Variants in VAX1 observed in about 807,000 individuals in gnomAD.
VAX1 encodes the protein ventral anterior homeobox 1.
A neutral mutation model predicts 17.6 loss-of-function variants in VAX1; 6 were observed. That is an observed-to-expected ratio of 0.34 (90% CI 0.19 to 0.67). The LOEUF (loss-of-function observed/expected upper bound fraction) is 0.67, where lower values mean the gene tolerates loss of function less well. VAX1 is among the 30% of genes least tolerant of loss of function. The pLI is 0.69. For synonymous variants in VAX1, 256 were observed against 227.4 expected (o/e 1.13, Z -1.13); for missense variants, 408 against 463.7 (o/e 0.88, Z 1.10).
At position 117,134,385 on chromosome 10, in the gene VAX1, G is replaced by A. The variant is rs1854140306; in HGVS notation, c.628C>T (p.Arg210Cys). Residue 210 changes from arginine to cysteine, a missense_variant, in exon 3 of 3, where the codon CGC becomes TGC. By Grantham distance (180) the Arg-to-Cys change is radical (BLOSUM62 -3). This residue lies in a region of VAX1 where 196 missense variants were observed against 218.7 expected (regional missense o/e 0.90). Coordinates refer to ENST00000369206, the MANE Select transcript of VAX1 (RefSeq NM_001112704.2). This position sits in a 1 kb window ranked among gnomAD's most constrained non-coding sequence, Gnocchi z 6.2. ...CCCAGGGCCGGCAAGCTGGGCCCGC[G>A]CAGCGCTGAGCCGAGAGCGCCCGTG... ...CATGALGSAL[R>C]GPSLPALGAG... The A allele has an allele frequency of 2.2e-6, 3 of 1,362,726 alleles. No individual in the cohort carries two copies. The highest frequency in any genetic ancestry group is 1.9e-6 in the Non-Finnish European group (2 of 1,061,190). 84.4% of individuals were successfully genotyped at this position (1,362,726 alleles called of 1,614,324 possible).
chr10:117,133,188 C>T (rs903955804), downstream of VAX1: 1 of 772,900 alleles, frequency 1.3e-6, no homozygotes, highest in Non-Finnish European at 1.6e-6. Context: ...ACACCCAGAA[C>T]CTTAATTTTG....
downstream of VAX1, chr10:117,132,452 C>A: frequency 6.2e-7 from 1 of 1,610,950 alleles, no homozygotes; most frequent in Non-Finnish European, 8.5e-7. The surrounding 1 kb of genome is among the most constrained non-coding windows in gnomAD (Gnocchi z 4.9). Flanking sequence ...GCGTTTGAAT[C>A]GTTCATTATT....
downstream of VAX1, chr10:117,132,459 T>A: frequency 2.5e-6 from 4 of 1,612,172 alleles, no homozygotes; most frequent in South Asian, 3.3e-5. The surrounding 1 kb of genome is among the most constrained non-coding windows in gnomAD (Gnocchi z 4.9). Context: ...AATCGTTCAT[T>A]ATTTTCTTCA....
Position 117,134,146 on chromosome 10 carries a change from G to C in VAX1, c.867C>G (p.Ser289=). 6.5e-7 allele frequency: 1 copy of C among 1,531,612 alleles called. No homozygotes were observed. The highest frequency in any genetic ancestry group is 8.8e-7 in the Non-Finnish European group (1 of 1,138,662). The allele number at this position is 1,531,612 out of a possible 1,614,324, so 94.9% of individuals were successfully genotyped here. ...SLLGSVASRL[S]SAPLTMAGSL... ...AACCAGCCATTGTTAACGGGGCGGAGGACAGGCGGCTGGCGACGGAGCCGA... is the reference window on the plus strand; with the variant it reads ...AACCAGCCATTGTTAACGGGGCGGACGACAGGCGGCTGGCGACGGAGCCGA... Residue 289 remains serine, a synonymous_variant, in exon 3 of 3, where the codon TCC becomes TCG. Transcript: ENST00000369206. This position sits in a 1 kb window ranked among gnomAD's most constrained non-coding sequence, Gnocchi z 6.2.
chr10:117,138,096 CAAAA>C lies in VAX1; in HGVS notation c.-44_-41del, dbSNP rs34250461. 115 of 352,048 alleles carry C rather than the reference CAAAA, an allele frequency of 3.3e-4. No individual in the cohort carries two copies. The highest frequency in any genetic ancestry group is 1.1e-3 in the South Asian group (32 of 27,874). The allele number at this position is 352,048 out of a possible 1,614,324, so 21.8% of individuals were successfully genotyped here. ...ACAAAAACAGAAAGGAAAAAAAAAG[CAAAA>C]AAAAAAAAAAGGGGGGGGGGCGGAG... is the stretch of plus-strand genomic sequence containing the variant. On this transcript the variant is annotated 5_prime_UTR_variant, in exon 1 of 3. Coordinates refer to ENST00000369206, the MANE Select transcript of VAX1 (RefSeq NM_001112704.2).
downstream of VAX1, among the ~76,000 whole-genome samples, chr10:117,133,042 G>A (rs1395237546): frequency 6.6e-6 from 1 of 152,226 alleles, no homozygotes; most frequent in Non-Finnish European, 1.5e-5. Flanking sequence ...CAGCCGCTTT[G>A]CTCTTTCCTG....
downstream of VAX1, chr10:117,132,196 G>A (rs1244494174): frequency 6.2e-7 from 1 of 1,604,570 alleles, no homozygotes; most frequent in Admixed American, 1.7e-5. The surrounding 1 kb of genome is among the most constrained non-coding windows in gnomAD (Gnocchi z 4.9). Context: ...GGTACCAGTC[G>A]CAGGGCCCCG....
downstream of VAX1, chr10:117,131,214 G>A (rs1369028812): frequency 6.5e-6 from 1 of 153,048 alleles, no homozygotes; most frequent in African/African-American, 2.4e-5. Flanking sequence ...GGAACGAGAG[G>A]GGAGCCCACA....
Position 117,136,753 on chromosome 10 carries a change from T to C in VAX1, c.242-94A>G. ...TTTGGGGACACAGTCCCCAGAAGCG[T>C]GCAGTTTTGGGGATGGGGGGCGGGG... On this transcript the variant is annotated intron_variant, in intron 1 of 2. Transcript: ENST00000369206. This position sits in a 1 kb window ranked among gnomAD's most constrained non-coding sequence, Gnocchi z 5.0. 6.8e-7 allele frequency: 1 copy of C among 1,465,498 alleles called. No individual in the cohort carries two copies. The highest frequency in any genetic ancestry group is 9.1e-7 in the Non-Finnish European group (1 of 1,094,354). 90.8% of individuals were successfully genotyped at this position (1,465,498 alleles called of 1,614,324 possible).
chr10:117,130,738 T>C (rs1854074190), downstream of VAX1: 1 of 152,246 alleles, frequency 6.6e-6, no homozygotes, highest in Admixed American at 6.5e-5. Flanking sequence ...TGCAATTCTT[T>C]TTCTATGCAG....
chr10:117,132,339 T>C, downstream of VAX1: 2 of 1,611,956 alleles, frequency 1.2e-6, no homozygotes, highest in South Asian at 2.2e-5. The surrounding 1 kb of genome is among the most constrained non-coding windows in gnomAD (Gnocchi z 4.9). Flanking sequence ...TCATTTATCA[T>C]CATAGATATA....
chr10:117,137,537 C>T lies in VAX1; in HGVS notation c.241+279G>A, dbSNP rs1441881024. Among the ~76,000 whole-genome samples the T allele has an allele frequency of 6.6e-6, 1 of 152,218 alleles. No homozygotes were observed. Among genetic ancestry groups the T allele is most frequent in the Non-Finnish European group, 1.5e-5 (1 of 68,036 alleles). ...TTCTGCTCCTTTCCCGGGTCGGAGGCCGCAGCCCGATGCCCGGCCGCACCC... is the reference window on the plus strand; with the variant it reads ...TTCTGCTCCTTTCCCGGGTCGGAGGTCGCAGCCCGATGCCCGGCCGCACCC... On this transcript the variant is annotated intron_variant, in intron 1 of 2. Transcript: ENST00000369206. The surrounding 1 kb of genome is among the most constrained non-coding windows in gnomAD (Gnocchi z 7.4).
Position 117,134,074 on chromosome 10 carries a change from G to A in VAX1, c.939C>T (p.Ser313=), listed in dbSNP as rs1589946008. The A allele has an allele frequency of 2.0e-6, 3 of 1,536,110 alleles. No individual in the cohort carries two copies. The highest frequency in any genetic ancestry group is 2.6e-6 in the Non-Finnish European group (3 of 1,140,360). ...LQELSARYLS[S]SAFEPYSRTN... The stretch of plus-strand genomic sequence containing the variant: ...TCCGGGAGTAAGGCTCGAAGGCCGA[G>A]GAGCTCAGATATCGGGCGGAGAGTT... Residue 313 remains serine, a synonymous_variant, in exon 3 of 3, where the codon TCC becomes TCT. Coordinates refer to ENST00000369206, the MANE Select transcript of VAX1 (RefSeq NM_001112704.2). This position sits in a 1 kb window ranked among gnomAD's most constrained non-coding sequence, Gnocchi z 6.2.
chr10:117,137,575 A>G lies in VAX1; in HGVS notation c.241+241T>C, dbSNP rs1176873719. On this transcript the variant is annotated intron_variant, in intron 1 of 2. Coordinates refer to ENST00000369206, the MANE Select transcript of VAX1 (RefSeq NM_001112704.2). The surrounding 1 kb of genome is among the most constrained non-coding windows in gnomAD (Gnocchi z 7.4). ...CCCGGCCGCACCCGCGCAGCCCCTCATCTCCCCCCGCAGCCCGGTCAGCGG... is the reference window on the plus strand; with the variant it reads ...CCCGGCCGCACCCGCGCAGCCCCTCGTCTCCCCCCGCAGCCCGGTCAGCGG... Among the ~76,000 whole-genome samples the G allele has an allele frequency of 6.6e-6, 1 of 151,784 alleles. No individual in the cohort carries two copies. The highest frequency in any genetic ancestry group is 1.5e-5 in the Non-Finnish European group (1 of 67,924).
chr10:117,136,574 C>G lies in VAX1; in HGVS notation c.327G>C (p.Ala109=), dbSNP rs756682722. 3.7e-6 allele frequency: 6 copies of G among 1,613,898 alleles called. No homozygotes were observed. The highest frequency in any genetic ancestry group is 1.7e-5 in the Admixed American group (1 of 60,030). Residue 109 remains alanine (A), a synonymous_variant, in exon 2 of 3, where the codon GCG becomes GCC. Coordinates refer to ENST00000369206, the MANE Select transcript of VAX1 (RefSeq NM_001112704.2). The surrounding 1 kb of genome is among the most constrained non-coding windows in gnomAD (Gnocchi z 5.0). ...RPKRTRTSFT[A]EQLYRLEMEF... ...CCATCTCCAGCCGATAGAGCTGCTC[C>G]GCGGTGAAGGACGTGCGCGTCCTCT... is the stretch of plus-strand genomic sequence containing the variant.
rs916413105 is a variant in VAX1, at chr10:117,136,759, T to G, written c.242-100A>C. 2.8e-6 allele frequency: 4 copies of G among 1,432,346 alleles called. No homozygotes were observed. Among genetic ancestry groups the G allele is most frequent in the Non-Finnish European group, 2.8e-6 (3 of 1,068,850 alleles). The allele number at this position is 1,432,346 out of a possible 1,614,324, so 88.7% of individuals were successfully genotyped here. On this transcript the variant is annotated intron_variant, in intron 1 of 2. Coordinates refer to ENST00000369206, the MANE Select transcript of VAX1 (RefSeq NM_001112704.2). This position sits in a 1 kb window ranked among gnomAD's most constrained non-coding sequence, Gnocchi z 5.0. Reference sequence around the variant, plus strand: ...GACACAGTCCCCAGAAGCGTGCAGTTTTGGGGATGGGGGGCGGGGTGCGGA... The same window carrying G: ...GACACAGTCCCCAGAAGCGTGCAGTGTTGGGGATGGGGGGCGGGGTGCGGA...
At position 117,138,107 on chromosome 10, in the gene VAX1, AAAAG is replaced by A. The variant is rs1564972711; in HGVS notation, c.-55_-52del. On this transcript the variant is annotated 5_prime_UTR_variant, in exon 1 of 3. Coordinates refer to ENST00000369206, the MANE Select transcript of VAX1 (RefSeq NM_001112704.2). ...AAGGAAAAAAAAAGCAAAAAAAAAA[AAAAG>A]GGGGGGGGGCGGAGAAGGAAAAAAA... 7.8e-5 allele frequency: 18 copies of A among 230,214 alleles called. No individual in the cohort carries two copies. The highest frequency in any genetic ancestry group is 4.2e-4 in the South Asian group (17 of 40,954). 14.3% of individuals were successfully genotyped at this position (230,214 alleles called of 1,614,324 possible).
chr10:117,134,654 C>A lies in VAX1; in HGVS notation c.430-71G>T, dbSNP rs1854147052. The A allele has an allele frequency of 7.2e-7, 1 of 1,392,634 alleles. No homozygotes were observed. The highest frequency in any genetic ancestry group is 3.0e-5 in the East Asian group (1 of 33,040). 86.3% of individuals were successfully genotyped at this position (1,392,634 alleles called of 1,614,324 possible). ...ACCAGCGTCAAAGGAAGCGAGCTCC[C>A]GGGGCGCGCGGCTCCGGGGCTCTCC... On this transcript the variant is annotated intron_variant, in intron 2 of 2. Coordinates refer to ENST00000369206, the MANE Select transcript of VAX1 (RefSeq NM_001112704.2). The surrounding 1 kb of genome is among the most constrained non-coding windows in gnomAD (Gnocchi z 6.2).
chr10:117,130,996 AT>A (rs1564969166), downstream of VAX1: 2 of 152,582 alleles, frequency 1.3e-5, no homozygotes, highest in Non-Finnish European at 2.9e-5. Context: ...CCAAGCTAGG[AT>A]TTTGTGTTTT....
Sources: allele counts gnomAD v4.1 joint callset (sites outside exome capture counted in the v4.1 genomes callset), GRCh38; gene constraint gnomAD v4.1.1; regional missense constraint gnomAD v4.1.1; non-coding constraint Gnocchi (gnomAD v3.1); transcripts MANE v1.5; gene names NCBI Gene and HGNC (gene_info 2026-07-23, HGNC 2026-07-21).